EEFSEC: variants seen among roughly 807,000 people sequenced by gnomAD.
EEFSEC encodes selenocysteine-specific elongation factor.
In EEFSEC, 43 loss-of-function variants were observed where a neutral mutation model predicts 42.1. The ratio of observed to expected loss-of-function variants is 1.02; its 90% CI spans 0.80 to 1.32. The LOEUF is 1.32. EEFSEC is among the 40% of genes most tolerant of loss of function. The pLI, the probability that EEFSEC is intolerant of heterozygous loss-of-function variation, is 0.00. For synonymous variants in EEFSEC, 354 were observed against 339.1 expected (o/e 1.04, Z -0.48); for missense variants, 745 against 803.6 (o/e 0.93, Z 0.88).
At chr3:128,404,286 G>A (rs2068083719) in intron 6 of EEFSEC, among the ~76,000 whole-genome samples, 7 of 152,262 alleles carry the variant, frequency 4.6e-5, no homozygotes, top group Admixed American at 4.6e-4. Context: ...TAATAGAGCA[G>A]AGGTAAACGA....
At chr3:128,322,162 A>G (rs2067014512) in intron 4 of EEFSEC, among the ~76,000 whole-genome samples, 1 of 152,218 alleles carries the variant, frequency 6.6e-6, no homozygotes, top group African/African-American at 2.4e-5. Context: ...ACATGTGTCA[A>G]GGAAGGAGCT....
intron 2 of EEFSEC, among the ~76,000 whole-genome samples, chr3:128,250,648 A>G (rs563282538): frequency 6.6e-6 from 1 of 152,068 alleles, no homozygotes; most frequent in Non-Finnish European, 1.5e-5. Context: ...GTAGTTTTGT[A>G]TTAAGTTTCA....
chr3:128,409,728 C>T (rs2068160676), downstream of EEFSEC, among the ~76,000 whole-genome samples: 1 of 152,202 alleles, frequency 6.6e-6, no homozygotes, highest in Admixed American at 6.5e-5. Flanking sequence ...TGCCTAGGAG[C>T]CGACTCCCCC....
intron 6 of EEFSEC, chr3:128,362,179 G>A: frequency 1.9e-6 from 1 of 519,080 alleles, no homozygotes; most frequent in Non-Finnish European, 4.0e-6. Context: ...TCCCACCGCT[G>A]CCACCCTCCC....
At chr3:128,254,703 G>C (rs1425690756) in intron 2 of EEFSEC, among the ~76,000 whole-genome samples, 1 of 152,130 alleles carries the variant, frequency 6.6e-6, no homozygotes, top group Non-Finnish European at 1.5e-5. Flanking sequence ...GGGGAGACTG[G>C]AGCAGATCCC....
chr3:128,224,037 C>G lies in EEFSEC; in HGVS notation c.317-22799C>G, dbSNP rs528764542. Reference sequence around the variant, plus strand: ...CTCTTTTTGTTATTTTCTATGTGATCTTCTGTTTCTCATTCTCTTTTCATT... The same window carrying G: ...CTCTTTTTGTTATTTTCTATGTGATGTTCTGTTTCTCATTCTCTTTTCATT... On this transcript the variant is annotated intron_variant, in intron 1 of 6. Coordinates refer to ENST00000254730, the MANE Select transcript of EEFSEC (RefSeq NM_021937.5). 2.0e-5 allele frequency among the ~76,000 whole-genome samples: 3 copies of G among 150,898 alleles called. No homozygotes were observed. The South Asian group carries it at 6.3e-4, about 32-fold the overall frequency.
At chr3:128,373,501 G>T (rs2107607003) in intron 6 of EEFSEC, among the ~76,000 whole-genome samples, 1 of 152,330 alleles carries the variant, frequency 6.6e-6, no homozygotes, top group Non-Finnish European at 1.5e-5. Context: ...CTAGCCCTGG[G>T]CCAGAGTGTT....
In EEFSEC at chr3:128,300,453, C is replaced by T. The variant is rs572943213; in HGVS notation, c.786+35672C>T. Among the ~76,000 whole-genome samples the T allele has an allele frequency of 2.1e-5, 3 of 141,156 alleles. No homozygotes were observed. The South Asian group carries it at 7.4e-4, about 35-fold the overall frequency. The allele number at this position is 141,156 out of a possible 152,430, so 92.6% of individuals were successfully genotyped here. ...ACTAAAAATACAAAAATTAGCTAGGCGTGGTGGCACGCACCTGTAGTCCCA... is the reference window on the plus strand; with the variant it reads ...ACTAAAAATACAAAAATTAGCTAGGTGTGGTGGCACGCACCTGTAGTCCCA... On this transcript the variant is annotated intron_variant, in intron 4 of 6. Transcript: ENST00000254730.
rs191466402 is a variant in EEFSEC, at chr3:128,329,388, C to T, written c.787-11845C>T. ...TGAGCATGCTCCTCTGTGCCAGGGA[C>T]GGAGATTAGTGCCACCCAGCCCCAC... is the stretch of plus-strand genomic sequence containing the variant. On this transcript the variant is annotated intron_variant, in intron 4 of 6. Coordinates refer to ENST00000254730, the MANE Select transcript of EEFSEC (RefSeq NM_021937.5). Among the ~76,000 whole-genome samples the T allele has an allele frequency of 4.9e-3, 746 of 151,726 alleles. 5 individuals are homozygous for T. Among genetic ancestry groups the T allele is most frequent in the African/African-American group, 0.016 (655 of 41,170 alleles).
chr3:128,218,254 G>T (rs574362804), intron 1 of EEFSEC, among the ~76,000 whole-genome samples: 2 of 152,280 alleles, frequency 1.3e-5, no homozygotes, highest in South Asian at 2.1e-4. Flanking sequence ...TCTTCAGTTG[G>T]CTCTGGCCCC....
intron 1 of EEFSEC, among the ~76,000 whole-genome samples, chr3:128,206,152 G>T (rs992250722): frequency 2.0e-5 from 3 of 152,198 alleles, no homozygotes; most frequent in African/African-American, 7.2e-5. Context: ...GATGGTGGGT[G>T]TGTGGAGCAG....
intron 1 of EEFSEC, among the ~76,000 whole-genome samples, chr3:128,245,919 C>A (rs2066122088): frequency 6.6e-6 from 1 of 152,196 alleles, no homozygotes; most frequent in Non-Finnish European, 1.5e-5. Flanking sequence ...GCAGTCTCCT[C>A]TGCATTGCCA....
intron 5 of EEFSEC, among the ~76,000 whole-genome samples, chr3:128,348,269 TGC>T (rs2067338445): frequency 3.8e-5 from 5 of 133,110 alleles, no homozygotes; most frequent in African/African-American, 1.8e-4. Flanking sequence ...TGTGTGTGTG[TGC>T]GTGTGCGTGT....
chr3:128,331,846 T>C (rs1228601982), intron 4 of EEFSEC, among the ~76,000 whole-genome samples: 1 of 152,164 alleles, frequency 6.6e-6, no homozygotes, highest in Non-Finnish European at 1.5e-5. Flanking sequence ...CTTGTACTGC[T>C]GGTGGAAGCG....
At chr3:128,355,220 A>T (rs1009005416) in intron 5 of EEFSEC, among the ~76,000 whole-genome samples, 1 of 152,124 alleles carries the variant, frequency 6.6e-6, no homozygotes, top group Admixed American at 6.5e-5. Flanking sequence ...GAGGAGGGAG[A>T]CAGATAGGTC....
At position 128,211,468 on chromosome 3, in the gene EEFSEC, C is replaced by G. The variant is rs991450270; in HGVS notation, c.317-35368C>G. ...GGTATCTAGAGATAACATACTGTTA[C>G]TTGACAATACAACATGTAAAAATTT... On this transcript the variant is annotated intron_variant, in intron 1 of 6. Transcript: ENST00000254730. Among the ~76,000 whole-genome samples the G allele has an allele frequency of 3.3e-5, 5 of 151,962 alleles. No individual in the cohort carries two copies. In the South Asian group the frequency reaches 8.3e-4, roughly 25 times the overall value.
Position 128,264,625 on chromosome 3 carries a change from G to T in EEFSEC, c.630G>T (p.Thr210=). 1 of 1,613,640 alleles carries T rather than the reference G, an allele frequency of 6.2e-7. No homozygotes were observed. Among genetic ancestry groups the T allele is most frequent in the Non-Finnish European group, 8.5e-7 (1 of 1,179,798 alleles). The change falls in exon 4 of 7, where the codon ACG becomes ACT. Residue 210 remains threonine, a synonymous_variant. Transcript: ENST00000254730. ...QGIPELIELL[T]SQISIPTRDP... is the part of the protein sequence containing the mutation. ...CAGTTTCTCTTTTCTAGCTCCTGACGTCCCAGATTTCCATCCCAACGAGAG... is the reference window on the plus strand; with the variant it reads ...CAGTTTCTCTTTTCTAGCTCCTGACTTCCCAGATTTCCATCCCAACGAGAG...
At chr3:128,311,856 C>T (rs2108021064) in intron 4 of EEFSEC, among the ~76,000 whole-genome samples, 1 of 152,334 alleles carries the variant, frequency 6.6e-6, no homozygotes, top group East Asian at 1.9e-4. Context: ...CGTCCCACCT[C>T]TTCCTGGGAG....
chr3:128,338,892 A>G (rs538147937), intron 4 of EEFSEC, among the ~76,000 whole-genome samples: 3 of 152,302 alleles, frequency 2.0e-5, no homozygotes, highest in African/African-American at 7.2e-5. Context: ...TGGCAGGACC[A>G]TGACAAGCTT....
Sources: allele counts gnomAD v4.1 joint callset (sites outside exome capture counted in the v4.1 genomes callset), GRCh38; gene constraint gnomAD v4.1.1; transcripts MANE v1.5; gene names NCBI Gene and HGNC (gene_info 2026-07-23, HGNC 2026-07-21).